MINDY2: variants seen among roughly 807,000 people sequenced by gnomAD.
MINDY2 encodes MINDY lysine 48 deubiquitinase 2.
Under a neutral mutation model 68.2 loss-of-function variants are expected in MINDY2, and 52 were observed. The ratio of observed to expected loss-of-function variants is 0.76; its 90% CI spans 0.61 to 0.96. MINDY2 has a LOEUF of 0.96. Among genes scored for constraint, MINDY2 ranks in the 40% least tolerant of loss-of-function variants. The pLI is 0.00. For missense variants in MINDY2, 881 were observed against 773.4 expected, an observed-to-expected ratio of 1.14 and a Z score of -1.65; for synonymous variants, 372 against 303.0, an observed-to-expected ratio of 1.23 and a Z score of -2.36.
At chr15:58,854,337 G>A in intron 8 of MINDY2, 145 bp from the exon 9 acceptor site, 1 of 719,840 alleles carries the variant, frequency 1.4e-6, no homozygotes, top group Non-Finnish European at 2.2e-6. Context: ...CAGATACCAT[G>A]TAATATAACA....
chr15:58,830,403 A>G (rs1235804807), intron 5 of MINDY2, among the ~76,000 whole-genome samples: 1 of 152,180 alleles, frequency 6.6e-6, no homozygotes, highest in East Asian at 1.9e-4. Flanking sequence ...AAAATCCAAA[A>G]TGCTCCAAAA....
chr15:58,782,991 C>T (rs1901259643), intron 1 of MINDY2, among the ~76,000 whole-genome samples: 1 of 116,656 alleles, frequency 8.6e-6, no homozygotes, highest in Non-Finnish European at 1.6e-5. Context: ...GTGATCTTTA[C>T]TCACTGCAGC....
chr15:58,806,653 A>G (rs1051565349), intron 3 of MINDY2, among the ~76,000 whole-genome samples: 1 of 152,172 alleles, frequency 6.6e-6, no homozygotes, highest in Non-Finnish European at 1.5e-5. Context: ...AGCCATTAGA[A>G]ATCATATTGC....
intron 2 of MINDY2, among the ~76,000 whole-genome samples, chr15:58,798,647 G>T (rs1176988855): frequency 1.3e-5 from 2 of 151,838 alleles, no homozygotes; most frequent in African/African-American, 4.8e-5. Context: ...GTAGAGATGG[G>T]GTTTCATCAT....
At chr15:58,809,458 TTCTTTATTCATTTG>T (rs1435402680) in intron 3 of MINDY2, among the ~76,000 whole-genome samples, 1 of 152,228 alleles carries the variant, frequency 6.6e-6, no homozygotes, top group East Asian at 1.9e-4. Context: ...ATATCTCATT[TTCTTTATTCATTTG>T]TCAGTTGTAA....
chr15:58,788,977 A>G (rs1174234025), intron 2 of MINDY2, among the ~76,000 whole-genome samples: 1 of 151,958 alleles, frequency 6.6e-6, no homozygotes, highest in Non-Finnish European at 1.5e-5. Flanking sequence ...ATGCCACTGC[A>G]CTCCAGCCTG....
At chr15:58,820,761 C>T (rs1220573389) in intron 4 of MINDY2, among the ~76,000 whole-genome samples, 1 of 152,064 alleles carries the variant, frequency 6.6e-6, no homozygotes, top group African/African-American at 2.4e-5. Context: ...AAAACCACTG[C>T]TGTGAGTATT....
intron 3 of MINDY2, among the ~76,000 whole-genome samples, chr15:58,805,846 C>T (rs1433058103): frequency 2.0e-5 from 3 of 152,006 alleles, no homozygotes; most frequent in South Asian, 2.1e-4. Context: ...GAGGCTGAGG[C>T]GGGGGGATCA....
At chr15:58,846,342 C>T (rs1435464268) in intron 6 of MINDY2, among the ~76,000 whole-genome samples, 2 of 152,020 alleles carry the variant, frequency 1.3e-5, no homozygotes, top group Non-Finnish European at 1.5e-5. Flanking sequence ...GCCTGTAATC[C>T]CAGCACTTTG....
chr15:58,775,020 A>G (rs1900690963), intron 1 of MINDY2, among the ~76,000 whole-genome samples: 1 of 152,244 alleles, frequency 6.6e-6, no homozygotes, highest in South Asian at 2.1e-4. Flanking sequence ...TAAGCGAAGC[A>G]AAGTAGAGCA....
intron 1 of MINDY2, among the ~76,000 whole-genome samples, chr15:58,778,514 A>T (rs1268359467): frequency 1.3e-5 from 2 of 151,782 alleles, no homozygotes; most frequent in Non-Finnish European, 2.9e-5. Flanking sequence ...AAATAAAAAA[A>T]AGCTTAAAAA....
chr15:58,776,691 A>G (rs1900792286), intron 1 of MINDY2, among the ~76,000 whole-genome samples: 1 of 152,134 alleles, frequency 6.6e-6, no homozygotes. Context: ...AGTGGGAGGA[A>G]TGGAACAAGA....
chr15:58,857,244 C>T lies in MINDY2; in HGVS notation c.*2634C>T, dbSNP rs1237973717. ...TTTTCAGAGATACTGGTTTCCTGCC[C>T]TTGAAGGGTATAAAGAATTTAGATC... On this transcript the variant is annotated 3_prime_UTR_variant, in exon 9 of 9. Coordinates refer to ENST00000559228, the MANE Select transcript of MINDY2 (RefSeq NM_001040450.3). 1 of 152,036 alleles carries T rather than the reference C, an allele frequency of 6.6e-6. No individual in the cohort carries two copies. Among genetic ancestry groups the T allele is most frequent in the Non-Finnish European group, 1.5e-5 (1 of 68,020 alleles). The allele number at this position is 152,036 out of a possible 1,614,324, so 9.4% of individuals were successfully genotyped here.
rs190615634 is a variant in MINDY2, at chr15:58,844,619, T to A, written c.1369-2678T>A. Among the ~76,000 whole-genome samples the A allele has an allele frequency of 5.1e-3, 736 of 145,608 alleles. 8 individuals carry two copies. The highest frequency in any genetic ancestry group is 0.017 in the African/African-American group (689 of 39,784). ...GACAGTGAACCAGTTATAGTTTTTT[T>A]AAAAAAATAAACGTCAGGCCAGGCG... is the stretch of plus-strand genomic sequence containing the variant. On this transcript the variant is annotated intron_variant, in intron 6 of 8. Coordinates refer to ENST00000559228, the MANE Select transcript of MINDY2 (RefSeq NM_001040450.3).
rs2033153789 is a variant in MINDY2, at chr15:58,859,412, T to A, written c.*4802T>A. On this transcript the variant is annotated 3_prime_UTR_variant, in exon 9 of 9. Coordinates refer to ENST00000559228, the MANE Select transcript of MINDY2 (RefSeq NM_001040450.3). ...AGGGCTATATAAATTGTGTTTTTAG[T>A]GTAAAATGTTATTTGATAATGTGAA... The A allele has an allele frequency of 2.0e-5, 3 of 152,176 alleles. No homozygotes were observed. Among genetic ancestry groups the A allele is most frequent in the Admixed American group, 2.0e-4 (3 of 15,280 alleles). 9.4% of individuals were successfully genotyped at this position (152,176 alleles called of 1,614,324 possible). A position where few individuals can be genotyped will look rare whatever the true frequency, so the allele number is the denominator to read the frequency against.
At position 58,776,457 on chromosome 15, in the gene MINDY2, G is replaced by A. The variant is rs1900779263; in HGVS notation, c.840+4222G>A. Among the ~76,000 whole-genome samples, 3 of 152,258 alleles carry A rather than the reference G, an allele frequency of 2.0e-5. No homozygotes were observed. The South Asian group carries it at 6.2e-4, about 32-fold the overall frequency. Reference sequence around the variant, plus strand: ...GGGCACAATTTGAGATGTGGAATGAGAACTAGAAATAGGGCAATGTCATGA... The same window carrying A: ...GGGCACAATTTGAGATGTGGAATGAAAACTAGAAATAGGGCAATGTCATGA... On this transcript the variant is annotated intron_variant, in intron 1 of 8. Coordinates refer to ENST00000559228, the MANE Select transcript of MINDY2 (RefSeq NM_001040450.3).
chr15:58,790,277 C>CA, intron 2 of MINDY2, among the ~76,000 whole-genome samples: 1 of 152,090 alleles, frequency 6.6e-6, no homozygotes, highest in South Asian at 2.1e-4. Flanking sequence ...CCATGGGACT[C>CA]TACTTGATAA....
intron 1 of MINDY2, among the ~76,000 whole-genome samples, chr15:58,782,980 C>G (rs535075598): frequency 8.8e-4 from 101 of 115,204 alleles, no homozygotes; most frequent in African/African-American, 3.3e-3. Context: ...AGTGCAGTGG[C>G]GTGATCTTTA....
At chr15:58,846,887 G>A (rs1267759079) in intron 6 of MINDY2, among the ~76,000 whole-genome samples, 14 of 152,114 alleles carry the variant, frequency 9.2e-5, no homozygotes, top group African/African-American at 2.6e-4. Context: ...GGAAAAACTG[G>A]TGTGGATTGG....
Sources: allele counts gnomAD v4.1 joint callset (sites outside exome capture counted in the v4.1 genomes callset), GRCh38; gene constraint gnomAD v4.1.1; transcripts MANE v1.5; gene names NCBI Gene and HGNC (gene_info 2026-07-23, HGNC 2026-07-21).